TOX: variants seen among roughly 807,000 people sequenced by gnomAD.
TOX encodes the protein thymocyte selection-associated high mobility group box protein TOX.
A neutral mutation model predicts 53.7 loss-of-function variants in TOX; 11 were observed. The ratio of observed to expected loss-of-function variants is 0.20; its 90% CI spans 0.13 to 0.34. The LOEUF (loss-of-function observed/expected upper bound fraction) is 0.34, where lower values mean the gene tolerates loss of function less well. TOX is among the 10% of genes least tolerant of loss of function. The pLI, the probability that TOX is intolerant of heterozygous loss-of-function variation, is 1.00. For missense variants in TOX, 570 were observed against 664.6 expected (o/e 0.86, Z 1.56); for synonymous variants, 225 against 245.3 (o/e 0.92, Z 0.77).
chr8:58,982,763 C>A (rs1813228260), intron 1 of TOX, among the ~76,000 whole-genome samples: 1 of 152,168 alleles, frequency 6.6e-6, no homozygotes, highest in Non-Finnish European at 1.5e-5. Flanking sequence ...AAAATAATGT[C>A]CTTAAGTTAT....
chr8:59,093,954 A>G (rs894310597), intron 1 of TOX, among the ~76,000 whole-genome samples: 1 of 152,330 alleles, frequency 6.6e-6, no homozygotes, highest in Admixed American at 6.5e-5. Context: ...TTTGCCTACA[A>G]CATCGAAATA....
chr8:58,887,625 T>C (rs115327334), intron 3 of TOX, among the ~76,000 whole-genome samples: 2,528 of 152,130 alleles, frequency 0.017, 83 homozygotes, highest in African/African-American at 0.058. Flanking sequence ...TTTGCTCTTC[T>C]TCAACCAACC....
intron 1 of TOX, among the ~76,000 whole-genome samples, chr8:59,077,704 A>C (rs547592589): frequency 6.6e-6 from 1 of 152,338 alleles, no homozygotes; most frequent in Non-Finnish European, 1.5e-5. Flanking sequence ...GAACACTGAC[A>C]TTTTATTTAC....
At chr8:58,960,092 CATCAAACTGG>C in intron 1 of TOX, 84 bp from the exon 2 acceptor site, 1 of 1,459,294 alleles carries the variant, frequency 6.9e-7, no homozygotes. Context: ...GTTTTTTAAC[CATCAAACTGG>C]AAAACAGTAG....
chr8:59,096,746 A>G (rs1804717201), intron 1 of TOX, among the ~76,000 whole-genome samples: 1 of 152,122 alleles, frequency 6.6e-6, no homozygotes, highest in Admixed American at 6.5e-5. Context: ...TCCAGGAGCA[A>G]GTGTGGGGGA....
chr8:59,084,431 T>C (rs1804472961), intron 1 of TOX, among the ~76,000 whole-genome samples: 1 of 152,174 alleles, frequency 6.6e-6, no homozygotes, highest in South Asian at 2.1e-4. Context: ...TAACACTCTC[T>C]GGTAAAATAA....
intron 1 of TOX, among the ~76,000 whole-genome samples, chr8:59,090,231 T>C (rs1280351420): frequency 1.3e-5 from 2 of 152,180 alleles, no homozygotes; most frequent in Non-Finnish European, 2.9e-5. Context: ...CTATCAAAAA[T>C]TTCACAAGAC....
chr8:59,015,288 C>T (rs1389531149), intron 1 of TOX, among the ~76,000 whole-genome samples: 3 of 152,214 alleles, frequency 2.0e-5, no homozygotes, highest in Admixed American at 6.5e-5. Context: ...CTGCTAGGTG[C>T]AGACATGCAG....
intron 1 of TOX, among the ~76,000 whole-genome samples, chr8:58,982,836 A>G (rs762769730): frequency 4.6e-5 from 7 of 152,206 alleles, no homozygotes; most frequent in Non-Finnish European, 8.8e-5. Context: ...ACAATTGAAC[A>G]AAATGGATCC....
At chr8:58,939,596 C>A in intron 2 of TOX, 52 bp from the exon 3 acceptor site, 1 of 1,547,896 alleles carries the variant, frequency 6.5e-7, no homozygotes, top group South Asian at 1.2e-5. Context: ...TCTTGCTCTT[C>A]ATCATCATAT....
intron 6 of TOX, among the ~76,000 whole-genome samples, chr8:58,823,606 G>A (rs114464191): frequency 2.4e-3 from 364 of 152,300 alleles, no homozygotes; most frequent in African/African-American, 8.4e-3. Flanking sequence ...AGAGTCAAAG[G>A]TCATTGATTG....
At chr8:59,062,518 T>C (rs1804003804) in intron 1 of TOX, among the ~76,000 whole-genome samples, 1 of 152,208 alleles carries the variant, frequency 6.6e-6, no homozygotes, top group Non-Finnish European at 1.5e-5. Context: ...GAGGAGGTAG[T>C]TTCTACTTAT....
chr8:58,938,453 G>T (rs1812382909), intron 3 of TOX, among the ~76,000 whole-genome samples: 1 of 152,160 alleles, frequency 6.6e-6, no homozygotes, highest in Non-Finnish European at 1.5e-5. Context: ...CTGTAAACCT[G>T]GGAGGAGGGT....
At position 59,024,232 on chromosome 8, in the gene TOX, ACTGT is replaced by A. The variant is rs1382626080; in HGVS notation, c.103-64228_103-64225del. Among the ~76,000 whole-genome samples, 8 of 152,146 alleles carry A rather than the reference ACTGT, an allele frequency of 5.3e-5. No individual in the cohort carries two copies. The East Asian group carries it at 1.5e-3, about 29-fold the overall frequency. Reference sequence around the variant, plus strand: ...TGTGCTTGTTGATATTAAGAGATAAACTGTCTGGATAGCTATTTTCGCTTATAGT... The same window carrying A: ...TGTGCTTGTTGATATTAAGAGATAAACTGGATAGCTATTTTCGCTTATAGT... On this transcript the variant is annotated intron_variant, in intron 1 of 8. Coordinates refer to ENST00000361421, the MANE Select transcript of TOX (RefSeq NM_014729.3).
intron 3 of TOX, among the ~76,000 whole-genome samples, chr8:58,933,552 T>A (rs6997859): frequency 6.7e-6 from 1 of 149,748 alleles, no homozygotes; most frequent in Non-Finnish European, 1.5e-5. Flanking sequence ...TTCTTATAAC[T>A]GATTAAACTT....
chr8:59,040,862 TTCCTGGC>T (rs1409928911), intron 1 of TOX, among the ~76,000 whole-genome samples: 3 of 152,200 alleles, frequency 2.0e-5, no homozygotes, highest in Admixed American at 1.3e-4. Context: ...TGGTCCTTTC[TTCCTGGC>T]TCCTGGCTCC....
intron 1 of TOX, among the ~76,000 whole-genome samples, chr8:59,083,420 AT>A (rs1486895017): frequency 6.6e-6 from 1 of 152,220 alleles, no homozygotes; most frequent in Non-Finnish European, 1.5e-5. Context: ...TTATTCAAAT[AT>A]ATTTGGTTAT....
intron 1 of TOX, among the ~76,000 whole-genome samples, chr8:59,090,938 C>A (rs932139561): frequency 6.6e-6 from 1 of 152,182 alleles, no homozygotes; most frequent in African/African-American, 2.4e-5. Flanking sequence ...GGCAGTCCCA[C>A]CCCAGCCTCA....
At chr8:58,835,223 T>A (rs1373591472) in intron 5 of TOX, among the ~76,000 whole-genome samples, 3 of 152,180 alleles carry the variant, frequency 2.0e-5, no homozygotes, top group Admixed American at 6.5e-5. Context: ...GGTAGACTCA[T>A]TACAAGTTAC....
Sources: gnomAD v4.1 joint callset for allele counts (sites outside exome capture counted in the v4.1 genomes callset) on GRCh38, gnomAD v4.1.1 for gene constraint, MANE v1.5 for transcripts, NCBI Gene and HGNC (gene_info 2026-07-23, HGNC 2026-07-21) for gene names.